The following CDYL2 variants were observed in gnomAD, a reference collection of about 807,000 sequenced individuals.
CDYL2 encodes the protein chromodomain Y like 2, also known as chromodomain Y-like protein 2.
Under a neutral mutation model 49.4 loss-of-function variants are expected in CDYL2, and 23 were observed. The ratio of observed to expected loss-of-function variants is 0.47; its 90% CI spans 0.34 to 0.66. CDYL2 has a LOEUF of 0.66. Ranked by LOEUF, CDYL2 falls within the 30% of genes least tolerant of loss-of-function variation. The pLI is 0.01. For missense variants in CDYL2, 678 were observed against 656.4 expected (o/e 1.03, Z -0.36); for synonymous variants, 360 against 268.8 (o/e 1.34, Z -3.32).
intron 2 of CDYL2, among the ~76,000 whole-genome samples, chr16:80,677,752 T>C (rs1020860613): frequency 6.7e-6 from 1 of 148,462 alleles, no homozygotes; most frequent in Admixed American, 6.7e-5. Context: ...AAAATAAAAA[T>C]AAAAATAAAA....
intron 1 of CDYL2, among the ~76,000 whole-genome samples, chr16:80,693,114 G>C (rs1489192626): frequency 6.6e-6 from 1 of 151,744 alleles, no homozygotes; most frequent in Non-Finnish European, 1.5e-5. Context: ...AGATCAGTGG[G>C]GGCTGGGTGT....
chr16:80,650,057 C>A (rs147125742), intron 2 of CDYL2, among the ~76,000 whole-genome samples: 1 of 152,054 alleles, frequency 6.6e-6, no homozygotes, highest in East Asian at 1.9e-4. Flanking sequence ...CATTGGTCTA[C>A]GCAAAAATTT....
intron 2 of CDYL2, among the ~76,000 whole-genome samples, chr16:80,657,594 A>T (rs8045600): frequency 0.022 from 3,353 of 152,232 alleles, 143 homozygotes; most frequent in African/African-American, 0.077. Flanking sequence ...AACTACACTG[A>T]AATACCATTT....
At chr16:80,795,414 C>T (rs1907741306) in intron 1 of CDYL2, among the ~76,000 whole-genome samples, 1 of 152,094 alleles carries the variant, frequency 6.6e-6, no homozygotes, top group African/African-American at 2.4e-5. Flanking sequence ...AACAAATGGC[C>T]CTGCAAGCCT....
intron 2 of CDYL2, among the ~76,000 whole-genome samples, chr16:80,653,135 C>T (rs957345311): frequency 3.3e-5 from 5 of 152,170 alleles, no homozygotes; most frequent in Admixed American, 6.5e-5. Context: ...TGCTGTATTT[C>T]GTGTTCCAAT....
intron 3 of CDYL2, among the ~76,000 whole-genome samples, chr16:80,628,775 T>C (rs1185847145): frequency 1.3e-5 from 2 of 152,228 alleles, no homozygotes; most frequent in Non-Finnish European, 2.9e-5. Flanking sequence ...TAAAAGAATT[T>C]AACAAATGTT....
At chr16:80,693,788 C>T (rs1910510341) in intron 1 of CDYL2, among the ~76,000 whole-genome samples, 1 of 151,990 alleles carries the variant, frequency 6.6e-6, no homozygotes, top group African/African-American at 2.4e-5. Flanking sequence ...AACCACAGAG[C>T]TGTAGACCAC....
intron 2 of CDYL2, among the ~76,000 whole-genome samples, chr16:80,662,008 A>C (rs906979848): frequency 1.3e-5 from 2 of 152,176 alleles, no homozygotes; most frequent in African/African-American, 4.8e-5. Flanking sequence ...CCAAATTCTT[A>C]ATAATGTTCC....
At chr16:80,614,739 C>G (rs1279278816) in intron 4 of CDYL2, among the ~76,000 whole-genome samples, 1 of 151,990 alleles carries the variant, frequency 6.6e-6, no homozygotes, top group Non-Finnish European at 1.5e-5. Flanking sequence ...TGGCAGATGC[C>G]TGTAGTCCCA....
intron 2 of CDYL2, among the ~76,000 whole-genome samples, chr16:80,664,388 C>G (rs1200055471): frequency 1.3e-5 from 2 of 152,164 alleles, no homozygotes; most frequent in Non-Finnish European, 2.9e-5. Context: ...CCTCCCCAAG[C>G]GCCGGGAACA....
chr16:80,684,527 A>G lies in CDYL2; in HGVS notation c.616+11T>C, dbSNP rs1213027394. On this transcript the variant is annotated intron_variant, in intron 2 of 6. Coordinates refer to ENST00000570137, the MANE Select transcript of CDYL2 (RefSeq NM_152342.4). The stretch of plus-strand genomic sequence containing the variant: ...CCAGAGCCAAACCCAAGAGAAAGAA[A>G]AGCTACAAACCGAGCCCGTTCTCCG... 16 of 1,603,736 alleles carry G rather than the reference A, an allele frequency of 1.0e-5. No homozygotes were observed. The highest frequency in any genetic ancestry group is 1.4e-5 in the Non-Finnish European group (16 of 1,173,878).
intron 2 of CDYL2, among the ~76,000 whole-genome samples, chr16:80,671,353 G>A (rs1421293885): frequency 1.3e-5 from 2 of 152,130 alleles, no homozygotes; most frequent in African/African-American, 4.8e-5. Context: ...AAAAATTTAG[G>A]ACCAGTCCTT....
intron 2 of CDYL2, among the ~76,000 whole-genome samples, chr16:80,660,329 T>C (rs1163911321): frequency 2.0e-5 from 3 of 151,904 alleles, no homozygotes; most frequent in South Asian, 4.2e-4. Context: ...AATAGTAAGA[T>C]GTGGAAGAGA....
intron 1 of CDYL2, among the ~76,000 whole-genome samples, chr16:80,741,750 CA>C (rs1362044494): frequency 3.3e-5 from 5 of 152,122 alleles, no homozygotes. Context: ...GCAATTTTCA[CA>C]AAATTGGCAA....
At chr16:80,792,979 A>G (rs556799649) in intron 1 of CDYL2, among the ~76,000 whole-genome samples, 2 of 152,220 alleles carry the variant, frequency 1.3e-5, no homozygotes, top group Admixed American at 6.5e-5. Context: ...CTGCCCATAG[A>G]ATCAGCTGAG....
intron 1 of CDYL2, among the ~76,000 whole-genome samples, chr16:80,701,670 G>A (rs1279515366): frequency 6.6e-6 from 1 of 152,182 alleles, no homozygotes; most frequent in South Asian, 2.1e-4. Flanking sequence ...GGAGCTGTAT[G>A]TACCATGTTT....
At chr16:80,683,399 G>T (rs1305586453) in intron 2 of CDYL2, among the ~76,000 whole-genome samples, 1 of 152,252 alleles carries the variant, frequency 6.6e-6, no homozygotes, top group Non-Finnish European at 1.5e-5. Context: ...ACTCAGGTAA[G>T]GGGCAATGTG....
chr16:80,787,218 G>A (rs1210324197), intron 1 of CDYL2, among the ~76,000 whole-genome samples: 1 of 152,170 alleles, frequency 6.6e-6, no homozygotes, highest in Non-Finnish European at 1.5e-5. Context: ...AGAAAGAAAT[G>A]AGTGCCTTGA....
chr16:80,650,314 A>G (rs1339692546), intron 2 of CDYL2, among the ~76,000 whole-genome samples: 1 of 152,214 alleles, frequency 6.6e-6, no homozygotes, highest in Non-Finnish European at 1.5e-5. Flanking sequence ...AAAGATTTAG[A>G]TATTTCTCAA....
Sources: gnomAD v4.1 joint callset for allele counts (sites outside exome capture counted in the v4.1 genomes callset) on GRCh38, gnomAD v4.1.1 for gene constraint, MANE v1.5 for transcripts, NCBI Gene and HGNC (gene_info 2026-07-23, HGNC 2026-07-21) for gene names.